DMD: variants seen among roughly 807,000 people sequenced by gnomAD.
DMD encodes dystrophin, also known as mutant dystrophin.
A neutral mutation model predicts 330.1 loss-of-function variants in DMD; 63 were observed. The observed-to-expected ratio is 0.19, with a 90% CI of 0.16 to 0.24. DMD has a LOEUF of 0.24. Among genes scored for constraint, DMD ranks in the 10% least tolerant of loss-of-function variants. The pLI is 1.00. For missense variants in DMD, 3,344 were observed against 2,684.1 expected (o/e 1.25, Z -5.43); for synonymous variants, 1,223 against 959.8 (o/e 1.27, Z -5.07).
intron 2 of DMD, among the ~76,000 whole-genome samples, chrX:32,957,895 C>T (rs1358714337): frequency 8.9e-6 from 1 of 112,074 alleles, no homozygotes; most frequent in Non-Finnish European, 1.9e-5. Flanking sequence ...GTAAGGCTAT[C>T]TTCAGTTAAT....
chrX:31,699,767 G>C (rs2083676226), intron 52 of DMD, among the ~76,000 whole-genome samples: 1 of 111,852 alleles, frequency 8.9e-6, no homozygotes, highest in African/African-American at 3.3e-5. Context: ...AAAATAATAG[G>C]GGTTGGCGGG....
chrX:32,994,965 T>G (rs1037486438), intron 2 of DMD, among the ~76,000 whole-genome samples: 1 of 111,465 alleles, frequency 9.0e-6, no homozygotes, highest in Non-Finnish European at 1.9e-5. Flanking sequence ...ATAGGAACAT[T>G]AGCTGAGCAT....
At chrX:31,741,690 T>C (rs1057015579) in intron 51 of DMD, among the ~76,000 whole-genome samples, 1 of 109,667 alleles carries the variant, frequency 9.1e-6, no homozygotes, top group Non-Finnish European at 1.9e-5. Flanking sequence ...AGATCTAGCA[T>C]AACCTGAAGG....
rs139272083 is a variant in DMD, at chrX:32,044,142, C to A, written c.6439-75628G>T. On this transcript the variant is annotated intron_variant, in intron 44 of 78. Transcript: ENST00000357033. ...TTTGCTTAATTTTGAGCTTTCAACACTAAAGAAGTATATAAAGGAACATGG... is the reference window on the plus strand; with the variant it reads ...TTTGCTTAATTTTGAGCTTTCAACAATAAAGAAGTATATAAAGGAACATGG... Among the ~76,000 whole-genome samples the A allele has an allele frequency of 2.1e-3, 238 of 111,365 alleles. 1 individual carries two copies. The highest frequency in any genetic ancestry group is 7.3e-3 in the African/African-American group (224 of 30,678).
At chrX:31,327,536 A>G (rs1280150947) in intron 61 of DMD, among the ~76,000 whole-genome samples, 1 of 112,489 alleles carries the variant, frequency 8.9e-6, no homozygotes, top group East Asian at 2.8e-4. Context: ...ATTTTAAGAC[A>G]TGCCAAAAGA....
chrX:32,719,040 T>TA (rs757455522), intron 7 of DMD, among the ~76,000 whole-genome samples: 15 of 111,764 alleles, frequency 1.3e-4, no homozygotes, highest in Non-Finnish European at 2.4e-4. Context: ...CCTACATATA[T>TA]AGTTACTCAA....
At chrX:32,522,076 T>G (rs971139998) in intron 17 of DMD, among the ~76,000 whole-genome samples, 1 of 112,090 alleles carries the variant, frequency 8.9e-6, no homozygotes, top group Non-Finnish European at 1.9e-5. Context: ...CATAAATTTC[T>G]GTGGTTTATA....
chrX:32,089,096 A>G (rs897913302), intron 44 of DMD, among the ~76,000 whole-genome samples: 6 of 111,265 alleles, frequency 5.4e-5, no homozygotes, highest in Non-Finnish European at 1.1e-4. Flanking sequence ...GCTCCTTTTG[A>G]AGTAAAGTTC....
rs754992621 is a variant in DMD, at chrX:31,126,631, A to G, written c.11046+11T>C. ...ACAGAAGCCATGGCCGTGAGCCTGA[A>G]TCTCACTAACCTCTCTCATTGGCTT... On this transcript the variant is annotated intron_variant, in intron 78 of 78. Transcript: ENST00000357033. 21 of 1,198,379 alleles carry G rather than the reference A, an allele frequency of 1.8e-5. No individual in the cohort carries two copies. The highest frequency in any genetic ancestry group is 2.3e-4 in the Middle Eastern group (1 of 4,328).
chrX:33,076,035 T>C (rs2094835330), intron 1 of DMD, among the ~76,000 whole-genome samples: 1 of 111,640 alleles, frequency 9.0e-6, no homozygotes, highest in Non-Finnish European at 1.9e-5. Context: ...TTGTAAAGCC[T>C]AAGATCAGTG....
chrX:33,260,185 T>C (rs1243641911), intron 1 of DMD, among the ~76,000 whole-genome samples: 1 of 111,529 alleles, frequency 9.0e-6, no homozygotes, highest in East Asian at 2.8e-4. Flanking sequence ...CCACCAGCAA[T>C]GAAAGAGATT....
intron 27 of DMD, among the ~76,000 whole-genome samples, chrX:32,447,948 T>C (rs1253137546): frequency 9.0e-6 from 1 of 111,124 alleles, no homozygotes; most frequent in Non-Finnish European, 1.9e-5. Context: ...TCAAAAAATA[T>C]AGAGCTGGTT....
intron 13 of DMD, among the ~76,000 whole-genome samples, chrX:32,584,164 C>T (rs192739602): frequency 1.1e-3 from 123 of 110,798 alleles, no homozygotes; most frequent in Admixed American, 2.1e-3. Flanking sequence ...ATTTAAATGG[C>T]CAATAACAAC....
intron 41 of DMD, among the ~76,000 whole-genome samples, chrX:32,319,876 T>C (rs749536806): frequency 1.0e-3 from 112 of 110,865 alleles, no homozygotes; most frequent in African/African-American, 3.5e-3. Context: ...CTTCCCAAAC[T>C]CTTCTCATAA....
At chrX:33,290,973 A>C (rs1319241136) in intron 1 of DMD, among the ~76,000 whole-genome samples, 1 of 111,565 alleles carries the variant, frequency 9.0e-6, no homozygotes, top group African/African-American at 3.3e-5. Flanking sequence ...ATTTCAGGCC[A>C]ATATCCCTGA....
intron 60 of DMD, among the ~76,000 whole-genome samples, chrX:31,379,712 C>CT (rs1192755218): frequency 7.1e-5 from 8 of 112,211 alleles, no homozygotes; most frequent in Non-Finnish European, 1.3e-4. Flanking sequence ...CACAGAAGAA[C>CT]TCCAAATGCC....
At position 32,287,655 on chromosome X, in the gene DMD, A is replaced by C. The variant is rs1262006699; in HGVS notation, c.6164T>G (p.Ile2055Ser). Residue 2055 changes from isoleucine to serine, a missense_variant, in exon 43 of 79, where the codon ATT (isoleucine) becomes AGT (serine). Transcript: ENST00000357033. The part of the protein sequence containing the change: ...LQQSSGRIDI[I>S]HSKKTAALQS... ...CAATGCTGCTGTCTTCTTGCTATGA[A>C]TAATGTCAATCCGACCTGAGCTTTG... The C allele has an allele frequency of 8.3e-7, 1 of 1,210,288 alleles. No individual in the cohort carries two copies.
At chrX:31,547,008 C>T (rs762241641) in intron 55 of DMD, among the ~76,000 whole-genome samples, 5 of 112,337 alleles carry the variant, frequency 4.5e-5, no homozygotes, top group Non-Finnish European at 9.4e-5. Context: ...ATGAAACATA[C>T]CAGTTCTAGT....
intron 43 of DMD, among the ~76,000 whole-genome samples, chrX:32,280,440 G>C (rs2097416047): frequency 9.1e-6 from 1 of 109,936 alleles, no homozygotes; most frequent in Non-Finnish European, 1.9e-5. Context: ...ACCAAGCTCA[G>C]AAACCAACAG....
Sources: gnomAD v4.1 joint callset for allele counts (sites outside exome capture counted in the v4.1 genomes callset) on GRCh38, gnomAD v4.1.1 for gene constraint, MANE v1.5 for transcripts, NCBI Gene and HGNC (gene_info 2026-07-23, HGNC 2026-07-21) for gene names.